INPP4A: variants seen among roughly 807,000 people sequenced by gnomAD.
The protein encoded by INPP4A is inositol polyphosphate-4-phosphatase, type I, 107kD.
INPP4A carries 33 observed loss-of-function variants against 119.8 expected under a neutral mutation model. The ratio of observed to expected loss-of-function variants is 0.28; its 90% confidence interval spans 0.21 to 0.37. The LOEUF (loss-of-function observed/expected upper bound fraction) is 0.37. INPP4A is among the 10% of genes least tolerant of loss of function. The pLI is 1.00. For synonymous variants in INPP4A, 496 were observed against 500.7 expected (o/e 0.99, Z 0.12); for missense variants, 956 against 1,289.9 (o/e 0.74, Z 3.97).
intron 10 of INPP4A, 137 bp from the exon 11 acceptor site, chr2:98,543,740 G>A (rs972057758): frequency 2.8e-6 from 3 of 1,079,540 alleles, no homozygotes; most frequent in African/African-American, 3.2e-5. Context: ...TAGACAGGCA[G>A]TGTAACCATT....
chr2:98,445,758 C>T (rs1456805868), intron 1 of INPP4A, among the ~76,000 whole-genome samples: 9 of 152,160 alleles, frequency 5.9e-5, no homozygotes, highest in Admixed American at 5.9e-4. Flanking sequence ...CTTCCCTTCC[C>T]CTGTCGCCTG....
chr2:98,581,773 T>A (rs1250931802), intron 24 of INPP4A: 17 of 1,604,446 alleles, frequency 1.1e-5, no homozygotes, highest in African/African-American at 2.7e-5. Context: ...TTATGAAAAA[T>A]TAATAAGTCA....
chr2:98,567,480 G>A (rs1279810198), intron 21 of INPP4A, among the ~76,000 whole-genome samples: 12 of 152,154 alleles, frequency 7.9e-5, no homozygotes, highest in Admixed American at 2.0e-4. Context: ...AGGGAGAGGC[G>A]CAGCCTCACT....
intron 1 of INPP4A, among the ~76,000 whole-genome samples, chr2:98,494,404 G>A (rs1681485801): frequency 6.6e-6 from 1 of 152,188 alleles, no homozygotes; most frequent in South Asian, 2.1e-4. Flanking sequence ...AAGCCAAGAA[G>A]AGCAAAGGCT....
intron 1 of INPP4A, among the ~76,000 whole-genome samples, chr2:98,517,601 G>A (rs111246153): frequency 6.6e-6 from 1 of 152,100 alleles, no homozygotes. Context: ...TGACTAATGG[G>A]GTTGAAGAAC....
intron 24 of INPP4A, among the ~76,000 whole-genome samples, chr2:98,577,432 G>T (rs2106494455): frequency 6.6e-6 from 1 of 152,390 alleles, no homozygotes; most frequent in Non-Finnish European, 1.5e-5. Flanking sequence ...TAAACGGGAA[G>T]CTGGGAAGCA....
At position 98,568,615 on chromosome 2, in the gene INPP4A, T is replaced by G; in HGVS notation, c.2465T>G (p.Leu822Trp). 6.2e-7 allele frequency: 1 copy of G among 1,605,522 alleles called. No homozygotes were observed. Among genetic ancestry groups the G allele is most frequent in the Non-Finnish European group, 8.5e-7 (1 of 1,175,504 alleles). ...CAAGAAGTCATCAACGTGGAGAGTT[T>G]GGTGCGGTTAAATTCCTACTTTGAG... ...SLQEVINVES[L>W]VRLNSYFEQF... Residue 822 changes from leucine (L) to tryptophan (W), a missense_variant, in exon 22 of 25, where the codon TTG becomes TGG. This residue lies in a region of INPP4A where 304 missense variants were observed against 492.1 expected (regional missense o/e 0.62). Transcript: ENST00000409851.
At chr2:98,517,452 CTATT>C (rs567650770) in intron 1 of INPP4A, among the ~76,000 whole-genome samples, 7 of 152,258 alleles carry the variant, frequency 4.6e-5, no homozygotes, top group African/African-American at 1.7e-4. Flanking sequence ...GCGCGGGTGA[CTATT>C]TACGCTCTAC....
At position 98,590,612 on chromosome 2, in the gene INPP4A, T is replaced by A. The variant is rs956568601; in HGVS notation, c.*3004T>A. On this transcript the variant is annotated 3_prime_UTR_variant, in exon 25 of 25. Transcript: ENST00000409851. Reference sequence around the variant, plus strand: ...ATCTCTGTGGGTAACCCAGTCCTCGTTGTATGACTTGTCAAAATGCAGTTC... The same window carrying A: ...ATCTCTGTGGGTAACCCAGTCCTCGATGTATGACTTGTCAAAATGCAGTTC... 4.9e-6 allele frequency: 1 copy of A among 202,890 alleles called. No individual in the cohort carries two copies. Among genetic ancestry groups the A allele is most frequent in the Non-Finnish European group, 1.0e-5 (1 of 98,984 alleles). The allele number at this position is 202,890 out of a possible 1,614,324, so 12.6% of individuals were successfully genotyped here. A position where few individuals can be genotyped will look rare whatever the true frequency, so the allele number is the denominator to read the frequency against.
intron 17 of INPP4A, among the ~76,000 whole-genome samples, chr2:98,562,347 T>C (rs1695640782): frequency 6.6e-6 from 1 of 151,950 alleles, no homozygotes; most frequent in Non-Finnish European, 1.5e-5. Flanking sequence ...TTTAGGTTGG[T>C]TTCTCAGTGA....
At chr2:98,445,152 C>CGGGCGCGG (rs1388064903) in intron 1 of INPP4A, 67 bp downstream of exon 1, 1 of 151,862 alleles carries the variant, frequency 6.6e-6, no homozygotes, top group East Asian at 1.9e-4. Flanking sequence ...GGACGGACAG[C>CGGGCGCGG]GGGCGCGGGG....
intron 1 of INPP4A, among the ~76,000 whole-genome samples, chr2:98,463,877 C>T (rs1351942271): frequency 6.6e-6 from 1 of 152,144 alleles, no homozygotes; most frequent in Non-Finnish European, 1.5e-5. Context: ...AGCTTTTCCT[C>T]CAGTCTCTGC....
intron 22 of INPP4A, 159 bp downstream of exon 22, chr2:98,568,827 GAA>G: frequency 8.5e-5 from 50 of 584,854 alleles, no homozygotes; most frequent in East Asian, 8.4e-4. Flanking sequence ...GAGAGAGAGA[GAA>G]GCTTCCCTTG....
At chr2:98,466,778 T>A (rs1182501050) in intron 1 of INPP4A, among the ~76,000 whole-genome samples, 2 of 152,216 alleles carry the variant, frequency 1.3e-5, no homozygotes, top group Non-Finnish European at 2.9e-5. Context: ...GAGTTTTATT[T>A]CCATCTCGTT....
At chr2:98,557,048 A>G (rs187487423) in intron 16 of INPP4A, among the ~76,000 whole-genome samples, 9 of 152,220 alleles carry the variant, frequency 5.9e-5, no homozygotes, top group Admixed American at 5.2e-4. Context: ...TTTTCTACAG[A>G]TAATGAAAAG....
At chr2:98,518,083 A>C (rs1441447608) in intron 1 of INPP4A, among the ~76,000 whole-genome samples, 1 of 152,222 alleles carries the variant, frequency 6.6e-6, no homozygotes, top group Non-Finnish European at 1.5e-5. Flanking sequence ...TGCCACTTGC[A>C]TTTTGGTGAG....
rs745569943 is a variant in INPP4A, at chr2:98,572,903, C to T, written c.2607C>T (p.Val869=). The change falls in exon 23 of 25, where the codon GTC becomes GTT. Residue 869 remains valine, a synonymous_variant. Transcript: ENST00000409851. ...TGCATGCCCGGAAGAATAAGAACGT[C>T]GACATTCTCTGGCAAGCTGCTGAGG... The part of the protein sequence containing the change: ...QNVHARKNKN[V]DILWQAAEIC... The T allele has an allele frequency of 3.8e-6, 6 of 1,575,602 alleles. No individual in the cohort carries two copies. Among genetic ancestry groups the T allele is most frequent in the East Asian group, 4.7e-5 (2 of 42,794 alleles).
At chr2:98,532,850 C>G (rs1170946797) in intron 4 of INPP4A, among the ~76,000 whole-genome samples, 1 of 151,664 alleles carries the variant, frequency 6.6e-6, no homozygotes, top group Admixed American at 6.6e-5. Flanking sequence ...AACAATGGCT[C>G]ACTTAAGAAA....
intron 10 of INPP4A, among the ~76,000 whole-genome samples, chr2:98,540,397 G>T (rs998716407): frequency 6.6e-6 from 1 of 152,148 alleles, no homozygotes; most frequent in Non-Finnish European, 1.5e-5. Flanking sequence ...GTCCCATAAG[G>T]GTCTTAACCC....
Sources: allele counts gnomAD v4.1 joint callset (sites outside exome capture counted in the v4.1 genomes callset), GRCh38; gene constraint gnomAD v4.1.1; regional missense constraint gnomAD v4.1.1; transcripts MANE v1.5; gene names NCBI Gene and HGNC (gene_info 2026-07-23, HGNC 2026-07-21).